MCTP2: variants seen among roughly 807,000 people sequenced by gnomAD.
MCTP2 encodes multiple C2 and transmembrane domain-containing protein 2.
In MCTP2, 132 loss-of-function variants were observed where a neutral mutation model predicts 111.6. That is an observed-to-expected ratio of 1.18 (90% CI 1.03 to 1.37). The LOEUF is 1.37. Ranked by LOEUF, MCTP2 falls within the 40% of genes most tolerant of loss-of-function variation. The pLI, the probability that MCTP2 is intolerant of heterozygous loss-of-function variation, is 0.00. For synonymous variants in MCTP2, 395 were observed against 387.7 expected (o/e 1.02, Z -0.22); for missense variants, 1,183 against 1,067.9 (o/e 1.11, Z -1.50).
chr15:94,464,239 A>AATATATATATATATATATATT (rs1555481312), intron 20 of MCTP2, among the ~76,000 whole-genome samples: 6 of 89,338 alleles, frequency 6.7e-5, no homozygotes, highest in African/African-American at 2.8e-4. Flanking sequence ...TTATATATAT[A>AATATATATATATATATATATT]ATATATATAT....
intron 11 of MCTP2, 58 bp downstream of exon 11, chr15:94,367,849 A>G: frequency 7.0e-7 from 1 of 1,430,114 alleles, no homozygotes; most frequent in South Asian, 1.3e-5. Context: ...TTTAAAACAA[A>G]GTCTTTATTG....
chr15:94,320,840 C>T (rs144335832), intron 4 of MCTP2, among the ~76,000 whole-genome samples: 18 of 152,238 alleles, frequency 1.2e-4, no homozygotes, highest in South Asian at 6.2e-4. Context: ...TTGAGGGTCA[C>T]GTTGGGAGGC....
chr15:94,434,837 T>C (rs777073452), intron 17 of MCTP2, among the ~76,000 whole-genome samples: 2 of 151,676 alleles, frequency 1.3e-5, no homozygotes, highest in Admixed American at 6.6e-5. Flanking sequence ...CATTTGCATT[T>C]TCTCTTTCTT....
chr15:94,298,084 G>T, intron 1 of MCTP2, 117 bp from the exon 2 acceptor site: 2 of 480,736 alleles, frequency 4.2e-6, no homozygotes, highest in Non-Finnish European at 7.3e-6. Flanking sequence ...TCATTTATTG[G>T]AAACTGTAAG....
chr15:94,272,159 T>C (rs936620326), intron 1 of MCTP2, among the ~76,000 whole-genome samples: 1 of 152,260 alleles, frequency 6.6e-6, no homozygotes, highest in Non-Finnish European at 1.5e-5. Context: ...AACTCAATTA[T>C]GTGAAGAAGT....
chr15:94,382,260 T>C (rs1235884713), intron 12 of MCTP2, among the ~76,000 whole-genome samples: 2 of 152,270 alleles, frequency 1.3e-5, no homozygotes, highest in African/African-American at 4.8e-5. Flanking sequence ...CTTTGGTTTA[T>C]AGTGATATTT....
chr15:94,306,263 C>G (rs2075875453), intron 2 of MCTP2, among the ~76,000 whole-genome samples: 1 of 152,172 alleles, frequency 6.6e-6, no homozygotes, highest in Admixed American at 6.5e-5. Flanking sequence ...GGTCTTAGCC[C>G]AGTACCTGCC....
intron 1 of MCTP2, among the ~76,000 whole-genome samples, chr15:94,266,004 T>A (rs1418452296): frequency 6.6e-6 from 1 of 152,250 alleles, no homozygotes; most frequent in Non-Finnish European, 1.5e-5. Flanking sequence ...AAGATTCTTT[T>A]TTAGTAAGAC....
chr15:94,293,883 G>A (rs1358852505), intron 1 of MCTP2, among the ~76,000 whole-genome samples: 1 of 152,102 alleles, frequency 6.6e-6, no homozygotes, highest in Non-Finnish European at 1.5e-5. Context: ...AGAGAAATGA[G>A]AACATATATT....
At position 94,308,397 on chromosome 15, in the gene MCTP2, G is replaced by A. The variant is rs192632762; in HGVS notation, c.466-5885G>A. 3.0e-4 allele frequency among the ~76,000 whole-genome samples: 45 copies of A among 152,246 alleles called. 1 individual carries two copies. Among genetic ancestry groups the A allele is most frequent in the East Asian group, 1.7e-3 (9 of 5,176 alleles). The stretch of plus-strand genomic sequence containing the variant: ...GGTGTGGTACAGTGAAAAGAGCAGC[G>A]TACCCAGGTCACTCAGGGGAAGCCC... On this transcript the variant is annotated intron_variant, in intron 2 of 22. Transcript: ENST00000357742.
At chr15:94,477,024 C>A (rs1354701545) in intron 22 of MCTP2, among the ~76,000 whole-genome samples, 1 of 152,176 alleles carries the variant, frequency 6.6e-6, no homozygotes, top group African/African-American at 2.4e-5. Context: ...CTGGAACTCA[C>A]ACTGTGTGGC....
intron 12 of MCTP2, among the ~76,000 whole-genome samples, chr15:94,380,130 G>A (rs918147776): frequency 1.3e-5 from 2 of 151,886 alleles, no homozygotes; most frequent in African/African-American, 4.8e-5. Context: ...GCTGCCCTCT[G>A]TCCCTAGGCC....
At chr15:94,343,213 G>A (rs2077760769) in intron 7 of MCTP2, 1 of 151,922 alleles carries the variant, frequency 6.6e-6, no homozygotes, top group African/African-American at 2.4e-5. Flanking sequence ...GTGCATATTG[G>A]GAGCCTTGGG....
intron 8 of MCTP2, chr15:94,355,889 C>T (rs931697128): frequency 2.9e-5 from 30 of 1,046,016 alleles, no homozygotes; most frequent in Middle Eastern, 8.9e-4. Context: ...GTGGGAGTAC[C>T]GGCCAGTGCC....
At chr15:94,444,061 A>G (rs2083982476) in intron 19 of MCTP2, among the ~76,000 whole-genome samples, 2 of 150,760 alleles carry the variant, frequency 1.3e-5, no homozygotes, top group Non-Finnish European at 2.9e-5. Flanking sequence ...CTGCAAGTCT[A>G]GGCCTCCTGT....
intron 1 of MCTP2, among the ~76,000 whole-genome samples, chr15:94,296,651 A>G (rs1338685928): frequency 6.6e-6 from 1 of 152,348 alleles, no homozygotes; most frequent in East Asian, 1.9e-4. Flanking sequence ...AGCATCAGAC[A>G]CTGTGCTTTC....
At chr15:94,243,301 A>G (rs1161433428) in intron 1 of MCTP2, among the ~76,000 whole-genome samples, 9 of 132,406 alleles carry the variant, frequency 6.8e-5, no homozygotes, top group South Asian at 4.7e-4. Flanking sequence ...ATGCATATAT[A>G]CATACATACG....
intron 17 of MCTP2, among the ~76,000 whole-genome samples, chr15:94,427,732 G>A (rs1014045226): frequency 4.6e-5 from 7 of 152,166 alleles, no homozygotes; most frequent in African/African-American, 1.7e-4. Context: ...AAGACATGAA[G>A]CAGTAGCAAA....
intron 1 of MCTP2, among the ~76,000 whole-genome samples, chr15:94,287,667 A>T (rs1355413939): frequency 1.3e-5 from 2 of 152,244 alleles, no homozygotes; most frequent in East Asian, 3.8e-4. Context: ...TTGAAGTCTC[A>T]GAAAAGTAAA....
Sources: allele counts gnomAD v4.1 joint callset (sites outside exome capture counted in the v4.1 genomes callset), GRCh38; gene constraint gnomAD v4.1.1; transcripts MANE v1.5; gene names NCBI Gene and HGNC (gene_info 2026-07-23, HGNC 2026-07-21).